Variants in SWAP70 observed in about 807,000 individuals in gnomAD.
The protein encoded by SWAP70 is switch-associated protein 70.
SWAP70 carries 34 observed loss-of-function variants against 80.2 expected under a neutral mutation model. That is an observed-to-expected ratio of 0.42 (90% CI 0.32 to 0.56). The LOEUF is 0.56. Ranked by LOEUF, SWAP70 falls within the 20% of genes least tolerant of loss-of-function variation. The probability of loss-of-function intolerance (pLI) is 0.09; values close to 1 mark genes in which losing one functional copy is unlikely to be tolerated. For missense variants in SWAP70, 578 were observed against 690.7 expected (o/e 0.84, Z 1.83); for synonymous variants, 239 against 238.5 (o/e 1.00, Z -0.02).
At chr11:9,670,479 T>C (rs576912023) in intron 1 of SWAP70, among the ~76,000 whole-genome samples, 2 of 152,050 alleles carry the variant, frequency 1.3e-5, no homozygotes, top group Non-Finnish European at 2.9e-5. Context: ...AGGTCCTTGA[T>C]GGGTGTATGT....
chr11:9,664,238 A>G lies in SWAP70; in HGVS notation c.59A>G (p.Asp20Gly), dbSNP rs1156484251. Residue 20 changes from aspartate to glycine, a missense_variant, in exon 1 of 12, where the codon GAC (aspartate) becomes GGC (glycine). By Grantham distance (94) the Asp-to-Gly change is moderately conservative. Transcript: ENST00000318950. Reference sequence around the variant, plus strand: ...ATCTGGCACGCCTTCACCGCACTCGACCAGGACCACAGCGGCAAGGTCTCC... The same window carrying G: ...ATCTGGCACGCCTTCACCGCACTCGGCCAGGACCACAGCGGCAAGGTCTCC... ...KAIWHAFTAL[D>G]QDHSGKVSKS... 1.3e-6 allele frequency: 2 copies of G among 1,594,736 alleles called. No homozygotes were observed.
chr11:9,697,718 C>G (rs1016978302), intron 2 of SWAP70, among the ~76,000 whole-genome samples: 3 of 152,154 alleles, frequency 2.0e-5, no homozygotes, highest in Non-Finnish European at 2.9e-5. Context: ...AATACAAGTT[C>G]CTGATCTTTC....
chr11:9,704,737 G>C (rs1850878006), intron 2 of SWAP70, among the ~76,000 whole-genome samples: 1 of 152,098 alleles, frequency 6.6e-6, no homozygotes, highest in Non-Finnish European at 1.5e-5. Flanking sequence ...GCACATAACT[G>C]TTAGTCTGTC....
chr11:9,681,430 A>C (rs1406880147), intron 1 of SWAP70, among the ~76,000 whole-genome samples: 1 of 152,232 alleles, frequency 6.6e-6, no homozygotes, highest in Non-Finnish European at 1.5e-5. Flanking sequence ...TCTGTCTTAG[A>C]ATTAGTTCAG....
rs930742455 is a variant in SWAP70 at position 9,715,541 on chromosome 11, A to G, written c.414+1902A>G. The stretch of plus-strand genomic sequence containing the variant: ...ATAAAGACATACCCAAGACTGGGCA[A>G]TTTATATAAGAAAGAGGTTTAATGA... On this transcript the variant is annotated intron_variant, in intron 3 of 11. Coordinates refer to ENST00000318950, the MANE Select transcript of SWAP70 (RefSeq NM_015055.4). Among the ~76,000 whole-genome samples the G allele has an allele frequency of 5.9e-5, 9 of 152,300 alleles. No individual in the cohort carries two copies. In the South Asian group the frequency reaches 1.2e-3, roughly 21 times the overall value.
rs201181416 is a variant in SWAP70 at position 9,698,093 on chromosome 11, G to GTTTTTT, written c.240+3808_240+3813dup. Among the ~76,000 whole-genome samples, 13 of 109,604 alleles carry GTTTTTT rather than the reference G, an allele frequency of 1.2e-4. 1 individual carries two copies. Among genetic ancestry groups the GTTTTTT allele is most frequent in the Admixed American group, 2.2e-4 (2 of 9,112 alleles). The allele number at this position is 109,604 out of a possible 152,430, so 71.9% of individuals were successfully genotyped here. ...GAGCCACCATGCCTGGCCAATACAT[G>GTTTTTT]TTTTTTGTTTTTTTTTTTTTTTTTT... On this transcript the variant is annotated intron_variant, in intron 2 of 11. Coordinates refer to ENST00000318950, the MANE Select transcript of SWAP70 (RefSeq NM_015055.4).
At chr11:9,673,005 G>A (rs1406520038) in intron 1 of SWAP70, among the ~76,000 whole-genome samples, 1 of 152,126 alleles carries the variant, frequency 6.6e-6, no homozygotes, top group Admixed American at 6.6e-5. Context: ...CCAAATGTGT[G>A]GAGGTTTCTC....
At chr11:9,713,100 A>G (rs1271853378) in intron 2 of SWAP70, among the ~76,000 whole-genome samples, 1 of 152,206 alleles carries the variant, frequency 6.6e-6, no homozygotes, top group Non-Finnish European at 1.5e-5. Context: ...TAGCCTGTTT[A>G]TTAATAGGAA....
chr11:9,728,589 A>G (rs532621588), intron 5 of SWAP70, among the ~76,000 whole-genome samples: 29 of 152,340 alleles, frequency 1.9e-4, no homozygotes, highest in African/African-American at 6.5e-4. Context: ...GCAAGAAATA[A>G]AAGAAGATGT....
intron 2 of SWAP70, among the ~76,000 whole-genome samples, chr11:9,695,296 G>C (rs79198326): frequency 7.7e-6 from 1 of 129,536 alleles, no homozygotes; most frequent in African/African-American, 2.9e-5. Context: ...ATCCGTGTCA[G>C]AAAAAAAAAA....
At chr11:9,689,834 G>C (rs1344025378) in intron 1 of SWAP70, among the ~76,000 whole-genome samples, 1 of 152,214 alleles carries the variant, frequency 6.6e-6, no homozygotes, top group African/African-American at 2.4e-5. Context: ...ACTTGGCTCT[G>C]CTGAATAGTG....
At position 9,740,247 on chromosome 11, in the gene SWAP70, G is replaced by T; in HGVS notation, c.1255G>T (p.Val419Leu). 2 of 1,614,224 alleles carry T rather than the reference G, an allele frequency of 1.2e-6. No individual in the cohort carries two copies. The highest frequency in any genetic ancestry group is 1.1e-5 in the South Asian group (1 of 91,088). Reference sequence around the variant, plus strand: ...TGAACTGGAACAGTATTTACAGCGAGTACGGGAGCTGGAAGACATGTACCT... The same window carrying T: ...TGAACTGGAACAGTATTTACAGCGATTACGGGAGCTGGAAGACATGTACCT... ...SSELEQYLQR[V>L]RELEDMYLKL... is the part of the protein sequence containing the mutation. Residue 419 changes from valine (V) to leucine (L), a missense_variant, in exon 9 of 12, where the codon GTA (valine) becomes TTA (leucine). Physicochemically the swap from Val to Leu is conservative, Grantham distance 32. Coordinates refer to ENST00000318950, the MANE Select transcript of SWAP70 (RefSeq NM_015055.4).
At chr11:9,691,148 G>A (rs973262043) in intron 1 of SWAP70, among the ~76,000 whole-genome samples, 1 of 152,114 alleles carries the variant, frequency 6.6e-6, no homozygotes, top group African/African-American at 2.4e-5. Flanking sequence ...GAACTTCTGG[G>A]CTCTAGCTAT....
intron 2 of SWAP70, among the ~76,000 whole-genome samples, chr11:9,705,479 T>C (rs1244533409): frequency 7.0e-6 from 1 of 142,248 alleles, no homozygotes; most frequent in Non-Finnish European, 1.5e-5. Flanking sequence ...CTTGGTGATC[T>C]GTATACACTG....
At chr11:9,725,565 A>T (rs1306720985) in intron 4 of SWAP70, among the ~76,000 whole-genome samples, 277 of 17,312 alleles carry the variant, frequency 0.016, 11 homozygotes, top group African/African-American at 0.067. Context: ...ATATATATAT[A>T]TATATTTTTT....
chr11:9,707,344 A>G (rs1306108476), intron 2 of SWAP70, among the ~76,000 whole-genome samples: 1 of 151,952 alleles, frequency 6.6e-6, no homozygotes, highest in Non-Finnish European at 1.5e-5. Flanking sequence ...GGCAATCACC[A>G]TTCTACTATT....
chr11:9,738,759 G>A (rs1457549134), intron 8 of SWAP70, among the ~76,000 whole-genome samples: 1 of 151,786 alleles, frequency 6.6e-6, no homozygotes, highest in Non-Finnish European at 1.5e-5. Flanking sequence ...TACTTAGGAG[G>A]CTGAGGTGGG....
At chr11:9,674,842 G>A (rs1486121956) in intron 1 of SWAP70, among the ~76,000 whole-genome samples, 5 of 152,038 alleles carry the variant, frequency 3.3e-5, no homozygotes, top group African/African-American at 1.2e-4. Flanking sequence ...GGTGGCGGGC[G>A]GCTGTAGTCC....
chr11:9,677,570 G>A (rs1285130942), intron 1 of SWAP70, among the ~76,000 whole-genome samples: 1 of 152,040 alleles, frequency 6.6e-6, no homozygotes, highest in Non-Finnish European at 1.5e-5. Context: ...TACCCTTATT[G>A]TTTAGTAAAT....
Sources: allele counts gnomAD v4.1 joint callset (sites outside exome capture counted in the v4.1 genomes callset), GRCh38; gene constraint gnomAD v4.1.1; transcripts MANE v1.5; gene names NCBI Gene and HGNC (gene_info 2026-07-23, HGNC 2026-07-21).